The following AP2B1 variants were observed in gnomAD, a reference collection of about 807,000 sequenced individuals.
AP2B1 encodes AP-2 complex subunit beta.
Under a neutral mutation model 102.0 loss-of-function variants are expected in AP2B1, and 23 were observed. The observed-to-expected ratio is 0.23, with a 90% CI of 0.16 to 0.32. The LOEUF is 0.32. AP2B1 is among the 10% of genes least tolerant of loss of function. AP2B1 has a pLI of 1.00. For missense variants in AP2B1, 541 were observed against 1,157.4 expected (o/e 0.47, Z 7.73); for synonymous variants, 381 against 421.2 (o/e 0.90, Z 1.17).
chr17:35,622,696 ACT>A (rs1298430966), intron 5 of AP2B1, among the ~76,000 whole-genome samples: 14 of 152,100 alleles, frequency 9.2e-5, no homozygotes, highest in African/African-American at 3.4e-4. Context: ...ACGGAGTCTC[ACT>A]CTGTCGCCCA....
chr17:35,639,560 G>A, intron 10 of AP2B1, 35 bp from the exon 11 acceptor site: 3 of 1,572,994 alleles, frequency 1.9e-6, no homozygotes, highest in Non-Finnish European at 1.7e-6. Flanking sequence ...TCTTAGTTTT[G>A]CCCTCAATAA....
At chr17:35,633,717 C>T (rs2074528086) in intron 9 of AP2B1, among the ~76,000 whole-genome samples, 1 of 152,180 alleles carries the variant, frequency 6.6e-6, no homozygotes, top group Non-Finnish European at 1.5e-5. Flanking sequence ...AGATAAGATA[C>T]TTTAAAAAAT....
intron 21 of AP2B1, among the ~76,000 whole-genome samples, chr17:35,718,456 C>T (rs1376083497): frequency 6.6e-6 from 1 of 152,034 alleles, no homozygotes; most frequent in Non-Finnish European, 1.5e-5. Flanking sequence ...CTCTCCCCAA[C>T]CCCCCACCAG....
intron 12 of AP2B1, among the ~76,000 whole-genome samples, chr17:35,648,896 T>C (rs781711001): frequency 6.6e-6 from 1 of 152,052 alleles, no homozygotes; most frequent in Non-Finnish European, 1.5e-5. Context: ...ACTTAAAAAT[T>C]GTGATGTGGT....
intron 13 of AP2B1, among the ~76,000 whole-genome samples, chr17:35,656,519 GAAT>G (rs1159062163): frequency 1.3e-5 from 2 of 152,194 alleles, no homozygotes; most frequent in African/African-American, 4.8e-5. Context: ...ACAGGTGCTA[GAAT>G]AATGTTTCTC....
intron 18 of AP2B1, among the ~76,000 whole-genome samples, chr17:35,684,135 A>G (rs79524105): frequency 0.011 from 1,705 of 152,302 alleles, 14 homozygotes; most frequent in Middle Eastern, 0.054. Flanking sequence ...AGGGCCTTCA[A>G]GACCCCCAGC....
At chr17:35,596,266 C>CT (rs1430430293) in intron 2 of AP2B1, among the ~76,000 whole-genome samples, 9 of 152,278 alleles carry the variant, frequency 5.9e-5, no homozygotes, top group East Asian at 1.9e-4. Flanking sequence ...GAGAGGAACT[C>CT]TAAGAGCTGG....
At chr17:35,722,797 T>A (rs1415498856) in intron 21 of AP2B1, among the ~76,000 whole-genome samples, 1 of 152,344 alleles carries the variant, frequency 6.6e-6, no homozygotes, top group East Asian at 1.9e-4. Context: ...TTTTGCATGC[T>A]TATATTATTG....
At chr17:35,611,357 G>A (rs150999472) in intron 5 of AP2B1, among the ~76,000 whole-genome samples, 4 of 152,290 alleles carry the variant, frequency 2.6e-5, no homozygotes, top group Admixed American at 6.5e-5. Flanking sequence ...ACTTACAGGC[G>A]ACTCCAGTTT....
chr17:35,657,844 T>C, intron 14 of AP2B1, 53 bp downstream of exon 14: 2 of 1,519,258 alleles, frequency 1.3e-6, no homozygotes, highest in Non-Finnish European at 1.8e-6. Context: ...CTTGATATGC[T>C]AGAGAGTTTT....
At chr17:35,619,950 A>G (rs1163810654) in intron 5 of AP2B1, among the ~76,000 whole-genome samples, 1 of 151,898 alleles carries the variant, frequency 6.6e-6, no homozygotes, top group Non-Finnish European at 1.5e-5. Flanking sequence ...ATGCCTGGCT[A>G]ATTTTTGGTA....
At chr17:35,615,726 C>T (rs2073992735) in intron 5 of AP2B1, among the ~76,000 whole-genome samples, 1 of 152,090 alleles carries the variant, frequency 6.6e-6, no homozygotes, top group Admixed American at 6.5e-5. Flanking sequence ...TAATACTTTT[C>T]ATATCAAATG....
intron 21 of AP2B1, 74 bp downstream of exon 21, chr17:35,717,423 C>T: frequency 3.3e-6 from 5 of 1,516,004 alleles, no homozygotes; most frequent in Non-Finnish European, 4.5e-6. Context: ...TACTTAGCAC[C>T]CTAGAAAGAC....
At chr17:35,675,086 A>G (rs750011586) in intron 17 of AP2B1, among the ~76,000 whole-genome samples, 2 of 152,232 alleles carry the variant, frequency 1.3e-5, no homozygotes, top group Non-Finnish European at 1.5e-5. Context: ...TGCTGAACAA[A>G]TAATCACATA....
intron 13 of AP2B1, among the ~76,000 whole-genome samples, chr17:35,655,844 T>C (rs1473123848): frequency 1.3e-5 from 2 of 152,206 alleles, no homozygotes; most frequent in African/African-American, 4.8e-5. Flanking sequence ...GAGTGTATAG[T>C]GGTGTCTTGT....
rs140886299 is a variant in AP2B1 at position 35,611,415 on chromosome 17, A to G, written c.525+3028A>G. ...GTAAATTCTTTAATGCAGAACCTAT[A>G]CAGTTAGATGGTCAGGGATAAGGCC... On this transcript the variant is annotated intron_variant, in intron 5 of 21. Coordinates refer to ENST00000610402, the MANE Select transcript of AP2B1 (RefSeq NM_001030006.2). 7.4e-3 allele frequency among the ~76,000 whole-genome samples: 1,123 copies of G among 152,266 alleles called. 3 individuals are homozygous for G. The highest frequency in any genetic ancestry group is 0.012 in the Non-Finnish European group (792 of 68,018).
At chr17:35,714,206 T>TCC (rs2076506295) in intron 20 of AP2B1, among the ~76,000 whole-genome samples, 1 of 152,242 alleles carries the variant, frequency 6.6e-6, no homozygotes, top group East Asian at 1.9e-4. Flanking sequence ...TGTTTCATTG[T>TCC]TTTGTTGCGG....
At chr17:35,667,531 T>TG (rs1163896045) in intron 14 of AP2B1, among the ~76,000 whole-genome samples, 4 of 152,222 alleles carry the variant, frequency 2.6e-5, no homozygotes, top group Non-Finnish European at 4.4e-5. Context: ...TGACAAGCAC[T>TG]GGGGGACAGT....
At chr17:35,609,530 G>A (rs1402370980) in intron 5 of AP2B1, among the ~76,000 whole-genome samples, 2 of 152,048 alleles carry the variant, frequency 1.3e-5, no homozygotes, top group Non-Finnish European at 2.9e-5. Flanking sequence ...GTATTTTTTA[G>A]TAGAGACGGG....
Sources: gnomAD v4.1 joint callset for allele counts (sites outside exome capture counted in the v4.1 genomes callset) on GRCh38, gnomAD v4.1.1 for gene constraint, MANE v1.5 for transcripts, NCBI Gene and HGNC (gene_info 2026-07-23, HGNC 2026-07-21) for gene names.